PAK1: variants seen among roughly 807,000 people sequenced by gnomAD.
The protein encoded by PAK1 is serine/threonine-protein kinase PAK 1.
In PAK1, 29 loss-of-function variants were observed where a neutral mutation model predicts 67.4. That is an observed-to-expected ratio of 0.43 (90% CI 0.32 to 0.59). The LOEUF (loss-of-function observed/expected upper bound fraction) is 0.59, where lower values mean the gene tolerates loss of function less well. Among genes scored for constraint, PAK1 ranks in the 20% least tolerant of loss-of-function variants. PAK1 has a pLI of 0.07. For synonymous variants in PAK1, 223 were observed against 237.4 expected, an observed-to-expected ratio of 0.94 and a Z score of 0.56; for missense variants, 337 against 670.7, an observed-to-expected ratio of 0.50 and a Z score of 5.50.
At chr11:77,381,258 G>A (rs905354298) in intron 2 of PAK1, among the ~76,000 whole-genome samples, 11 of 151,854 alleles carry the variant, frequency 7.2e-5, no homozygotes, top group Non-Finnish European at 1.0e-4. Flanking sequence ...GATCTTAAGG[G>A]TCCCTCAAGC....
chr11:77,501,805 G>A, the PAK1 span, among the ~76,000 whole-genome samples: 5 of 152,216 alleles, frequency 3.3e-5, no homozygotes, highest in Non-Finnish European at 7.3e-5. Context: ...TCCAGTCCCT[G>A]AATCCAAACG....
chr11:77,528,419 G>A, the PAK1 span, among the ~76,000 whole-genome samples: 1 of 151,296 alleles, frequency 6.6e-6, no homozygotes, highest in Non-Finnish European at 1.5e-5. Context: ...GAATGCAGTG[G>A]CACAATCATA....
At chr11:77,344,659 G>A (rs1944130226) in intron 9 of PAK1, among the ~76,000 whole-genome samples, 1 of 152,154 alleles carries the variant, frequency 6.6e-6, no homozygotes, top group Admixed American at 6.5e-5. Flanking sequence ...AACAGACGGG[G>A]AAACTGTGTT....
At chr11:77,390,260 C>T (rs1489740043) in intron 2 of PAK1, among the ~76,000 whole-genome samples, 2 of 152,154 alleles carry the variant, frequency 1.3e-5, no homozygotes, top group Admixed American at 1.3e-4. Flanking sequence ...AGTGCAATGG[C>T]GCAACCTTGG....
chr11:77,429,583 CA>C (rs1217714908), intron 1 of PAK1, among the ~76,000 whole-genome samples: 1 of 152,130 alleles, frequency 6.6e-6, no homozygotes, highest in East Asian at 1.9e-4. Flanking sequence ...ACCAAAGAAG[CA>C]TAACGTAAGA....
chr11:77,402,352 C>T (rs868490199), intron 1 of PAK1, among the ~76,000 whole-genome samples: 17 of 152,134 alleles, frequency 1.1e-4, no homozygotes, highest in Admixed American at 3.9e-4. Flanking sequence ...CACCCCCATC[C>T]GCACCTACGC....
At chr11:77,477,011 T>C (rs1267946447), upstream of PAK1, 3 of 152,084 alleles carry the variant, frequency 2.0e-5, no homozygotes, top group Non-Finnish European at 4.4e-5. Context: ...TAAAAATAAA[T>C]GTGTATTGTT....
At chr11:77,387,909 G>C (rs1165688388) in intron 2 of PAK1, among the ~76,000 whole-genome samples, 2 of 152,204 alleles carry the variant, frequency 1.3e-5, no homozygotes, top group Admixed American at 6.5e-5. Flanking sequence ...ATAGGACTAA[G>C]TTGAGTAGCT....
At chr11:77,353,512 G>T in intron 8 of PAK1, 24 bp downstream of exon 8, 1 of 1,561,116 alleles carries the variant, frequency 6.4e-7, no homozygotes, top group Non-Finnish European at 8.8e-7. Context: ...CATTTCTCCA[G>T]GGAAAGAAAA....
intron 5 of PAK1, among the ~76,000 whole-genome samples, chr11:77,363,100 G>C (rs1190786287): frequency 2.0e-5 from 3 of 152,252 alleles, no homozygotes; most frequent in East Asian, 3.9e-4. Flanking sequence ...GACAGTCAAG[G>C]ATAAGACTAT....
intron 10 of PAK1, among the ~76,000 whole-genome samples, chr11:77,343,234 C>T (rs1297038817): frequency 6.8e-6 from 1 of 146,804 alleles, no homozygotes; most frequent in African/African-American, 2.5e-5. Context: ...TGAAAAAGTT[C>T]CACATTTCCA....
the PAK1 span, among the ~76,000 whole-genome samples, chr11:77,528,362 CT>C: frequency 2.7e-3 from 380 of 142,288 alleles, no homozygotes; most frequent in Middle Eastern, 3.7e-3. Flanking sequence ...ACATATGTCT[CT>C]TTTTTTTTTT....
intron 1 of PAK1, among the ~76,000 whole-genome samples, chr11:77,439,479 T>TTC (rs1408406529): frequency 1.3e-5 from 2 of 152,186 alleles, no homozygotes; most frequent in Admixed American, 1.3e-4. Context: ...GGCAGGAACT[T>TTC]TGAAGAGAGA....
At chr11:77,457,214 A>T (rs1435459785) in intron 1 of PAK1, among the ~76,000 whole-genome samples, 1 of 152,192 alleles carries the variant, frequency 6.6e-6, no homozygotes, top group Non-Finnish European at 1.5e-5. Flanking sequence ...AGAGAAAATT[A>T]TATTTACATG....
chr11:77,331,939 C>A (rs1941634875), intron 14 of PAK1, among the ~76,000 whole-genome samples: 1 of 151,970 alleles, frequency 6.6e-6, no homozygotes, highest in Non-Finnish European at 1.5e-5. Flanking sequence ...GTGTCAGAGA[C>A]CCGTTTCTCA....
chr11:77,445,020 G>A (rs1956533493), intron 1 of PAK1, among the ~76,000 whole-genome samples: 1 of 151,888 alleles, frequency 6.6e-6, no homozygotes, highest in Admixed American at 6.6e-5. Flanking sequence ...CCTTAGGATT[G>A]ACCTTATTTG....
intron 14 of PAK1, 55 bp downstream of exon 14, chr11:77,332,675 A>C (rs933156971): frequency 2.0e-6 from 3 of 1,476,562 alleles, no homozygotes; most frequent in Non-Finnish European, 2.8e-6. Context: ...GAAGTAAAAA[A>C]GGCCTGGTTT....
the PAK1 span, among the ~76,000 whole-genome samples, chr11:77,490,018 G>A: frequency 7.3e-5 from 11 of 149,888 alleles, no homozygotes; most frequent in African/African-American, 2.2e-4. Flanking sequence ...GCCTCTTCCC[G>A]GCCGCCATCC....
chr11:77,519,741 T>C, the PAK1 span, among the ~76,000 whole-genome samples: 2 of 152,224 alleles, frequency 1.3e-5, no homozygotes, highest in East Asian at 1.9e-4. Context: ...GTAGATTGCA[T>C]TGGGAAGGCA....
Sources: allele counts gnomAD v4.1 joint callset (sites outside exome capture counted in the v4.1 genomes callset), GRCh38; gene constraint gnomAD v4.1.1; transcripts MANE v1.5; gene names NCBI Gene and HGNC (gene_info 2026-07-23, HGNC 2026-07-21).